CDKN2B: variants seen among roughly 807,000 people sequenced by gnomAD.
CDKN2B encodes the protein cyclin-dependent kinase 4 inhibitor B.
Under a neutral mutation model 7.7 loss-of-function variants are expected in CDKN2B, and 8 were observed. That is an observed-to-expected ratio of 1.04 (90% CI 0.61 to 1.87). The LOEUF (loss-of-function observed/expected upper bound fraction) is 1.87. Among genes scored for constraint, CDKN2B ranks in the 40% most tolerant of loss-of-function variants. The pLI, the probability that CDKN2B is intolerant of heterozygous loss-of-function variation, is 0.00. For synonymous variants in CDKN2B, 93 were observed against 95.8 expected, an observed-to-expected ratio of 0.97 and a Z score of 0.17; for missense variants, 244 against 213.1, an observed-to-expected ratio of 1.15 and a Z score of -0.90.
chr9:22,005,835 G>T lies in CDKN2B; in HGVS notation c.*152C>A. 1.0e-6 allele frequency: 1 copy of T among 973,920 alleles called. No homozygotes were observed. Among genetic ancestry groups the T allele is most frequent in the Non-Finnish European group, 1.5e-6 (1 of 648,462 alleles). 60.3% of individuals were successfully genotyped at this position (973,920 alleles called of 1,614,324 possible). A position where few individuals can be genotyped will look rare whatever the true frequency, so the allele number is the denominator to read the frequency against. The stretch of plus-strand genomic sequence containing the variant: ...AAAAATGTATGGAAGGTTATTCCCG[G>T]TCGGCTCCTCCTTCCTGTGAGTCTC... On this transcript the variant is annotated 3_prime_UTR_variant, in exon 2 of 2. Coordinates refer to ENST00000276925, the MANE Select transcript of CDKN2B (RefSeq NM_004936.4). This position sits in a 1 kb window ranked among gnomAD's most constrained non-coding sequence, Gnocchi z 4.9.
intron 1 of CDKN2B, chr9:22,008,538 T>G (rs2131188637): frequency 2.4e-6 from 2 of 845,148 alleles, no homozygotes; most frequent in Non-Finnish European, 3.5e-6. Context: ...TCTCCCCAAT[T>G]CAGTCTATTC....
In CDKN2B at chr9:22,005,165, G is replaced by C. The variant is rs983888232; in HGVS notation, c.*822C>G. The stretch of plus-strand genomic sequence containing the variant: ...GTGAAAGAAAACGTTACAGTTAACC[G>C]TTACAATTGCTCTCACTCCACTCCA... On this transcript the variant is annotated 3_prime_UTR_variant, in exon 2 of 2. Coordinates refer to ENST00000276925, the MANE Select transcript of CDKN2B (RefSeq NM_004936.4). This position sits in a 1 kb window ranked among gnomAD's most constrained non-coding sequence, Gnocchi z 4.9. 4 of 232,402 alleles carry C rather than the reference G, an allele frequency of 1.7e-5. No individual in the cohort carries two copies. Among genetic ancestry groups the C allele is most frequent in the African/African-American group, 8.9e-5 (4 of 44,996 alleles). 14.4% of individuals were successfully genotyped at this position (232,402 alleles called of 1,614,324 possible). A position where few individuals can be genotyped will look rare whatever the true frequency, so the allele number is the denominator to read the frequency against.
Position 22,008,573 on chromosome 9 carries a change from C to T in CDKN2B, c.156+225G>A, listed in dbSNP as rs555748240. ...CCTTGCATCTCTGATCATGAGATGGCAGAACAAAAACCACTAAAAAAAGCT... is the reference window on the plus strand; with the variant it reads ...CCTTGCATCTCTGATCATGAGATGGTAGAACAAAAACCACTAAAAAAAGCT... On this transcript the variant is annotated intron_variant, in intron 1 of 1. Coordinates refer to ENST00000276925, the MANE Select transcript of CDKN2B (RefSeq NM_004936.4). 8.4e-5 allele frequency: 106 copies of T among 1,259,554 alleles called. 1 individual carries two copies. The East Asian group carries it at 2.7e-3, about 32-fold the overall frequency. The allele number at this position is 1,259,554 out of a possible 1,614,324, so 78.0% of individuals were successfully genotyped here.
Position 22,006,894 on chromosome 9 carries a change from A to G in CDKN2B, c.157-647T>C, listed in dbSNP as rs779783850. On this transcript the variant is annotated intron_variant, in intron 1 of 1. Coordinates refer to ENST00000276925, the MANE Select transcript of CDKN2B (RefSeq NM_004936.4). This position sits in a 1 kb window ranked among gnomAD's most constrained non-coding sequence, Gnocchi z 6.4. ...AGATTAGAAGGGAAAAGTAAATTAA[A>G]TCATGCAAAATCTTATAAAATTATA... is the stretch of plus-strand genomic sequence containing the variant. Among the ~76,000 whole-genome samples, 1 of 152,276 alleles carries G rather than the reference A, an allele frequency of 6.6e-6. No homozygotes were observed. The highest frequency in any genetic ancestry group is 1.9e-4 in the East Asian group (1 of 5,192).
rs192756265 is a variant in CDKN2B, at chr9:22,006,765, T to A, written c.157-518A>T. 4.8e-4 allele frequency among the ~76,000 whole-genome samples: 73 copies of A among 152,192 alleles called. No individual in the cohort carries two copies. Among genetic ancestry groups the A allele is most frequent in the African/African-American group, 8.9e-4 (37 of 41,550 alleles). The stretch of plus-strand genomic sequence containing the variant: ...TAAGTTTTTTTCTTTCTTTTTTTTT[T>A]AATTTATTTAGTTCTCATAGCAAAT... On this transcript the variant is annotated intron_variant, in intron 1 of 1. Transcript: ENST00000276925. This position sits in a 1 kb window ranked among gnomAD's most constrained non-coding sequence, Gnocchi z 6.4.
In CDKN2B at chr9:22,006,200, G is replaced by T. The variant is rs748993568; in HGVS notation, c.204C>A (p.His68Gln). The change falls in exon 2 of 2, where the codon CAC becomes CAA. Residue 68 changes from histidine to glutamine, a missense_variant. Physicochemically the swap from His to Gln is conservative, Grantham distance 24. Coordinates refer to ENST00000276925, the MANE Select transcript of CDKN2B (RefSeq NM_004936.4). The surrounding 1 kb of genome is among the most constrained non-coding windows in gnomAD (Gnocchi z 6.4). ...SARVAELLLLHGAEPNCADPA... is the reference protein window; with the variant it reads ...SARVAELLLLQGAEPNCADPA... ...GGTCTGCGCAGTTGGGCTCCGCGCCGTGGAGCAGCAGCAGCTCCGCCACGC... is the reference window on the plus strand; with the variant it reads ...GGTCTGCGCAGTTGGGCTCCGCGCCTTGGAGCAGCAGCAGCTCCGCCACGC... 1 of 1,608,714 alleles carries T rather than the reference G, an allele frequency of 6.2e-7. No individual in the cohort carries two copies. The highest frequency in any genetic ancestry group is 1.1e-5 in the South Asian group (1 of 91,046).
At position 22,005,112 on chromosome 9, in the gene CDKN2B, A is replaced by ATGTGTGTGTGTGTGTGTG. The variant is rs3028393; in HGVS notation, c.*857_*874dup. ...CATAAGGGGATTTCCGCATCCTAGC[A>ATGTGTGTGTGTGTGTGTG]TGTGTGTGTGTGTGTGTGTGTGTGT... On this transcript the variant is annotated 3_prime_UTR_variant, in exon 2 of 2. Transcript: ENST00000276925. This position sits in a 1 kb window ranked among gnomAD's most constrained non-coding sequence, Gnocchi z 4.9. 6 of 222,400 alleles carry ATGTGTGTGTGTGTGTGTG rather than the reference A, an allele frequency of 2.7e-5. No homozygotes were observed. In the East Asian group the frequency reaches 3.8e-4, roughly 14 times the overall value. 13.8% of individuals were successfully genotyped at this position (222,400 alleles called of 1,614,324 possible). A position where few individuals can be genotyped will look rare whatever the true frequency, so the allele number is the denominator to read the frequency against.
At position 22,006,001 on chromosome 9, in the gene CDKN2B, C is replaced by T. The variant is rs756217982; in HGVS notation, c.403G>A (p.Ala135Thr). 1 of 1,602,908 alleles carries T rather than the reference C, an allele frequency of 6.2e-7. No individual in the cohort carries two copies. The highest frequency in any genetic ancestry group is 8.5e-7 in the Non-Finnish European group (1 of 1,179,764). The change falls in exon 2 of 2, where the codon GCC (alanine) becomes ACC (threonine). Residue 135 changes from alanine (A) to threonine (T), a missense_variant. Physicochemically the swap from Ala to Thr is moderately conservative, Grantham distance 58. Transcript: ENST00000276925. This position sits in a 1 kb window ranked among gnomAD's most constrained non-coding sequence, Gnocchi z 6.4. Reference protein sequence around the residue: ...HRDVAGYLRTATGD With the variant: ...HRDVAGYLRTTTGD Reference sequence around the variant, plus strand: ...GGAACCTGGCGTCAGTCCCCCGTGGCTGTGCGCAGGTACCCTGCAACGTCG... The same window carrying T: ...GGAACCTGGCGTCAGTCCCCCGTGGTTGTGCGCAGGTACCCTGCAACGTCG...
rs2069420 is a variant in CDKN2B, at chr9:22,008,505, A to T, written c.156+293T>A. Among the ~76,000 whole-genome samples, 6,428 of 152,138 alleles carry T rather than the reference A, an allele frequency of 0.042. 373 individuals are homozygous for T. The highest frequency in any genetic ancestry group is 0.13 in the African/African-American group (5,460 of 41,464). ...ACAGACAAGATAATCTTCTTCCCTA[A>T]ATAAGCTTTCCTTTTCTCCTTTTCT... On this transcript the variant is annotated intron_variant, in intron 1 of 1. Coordinates refer to ENST00000276925, the MANE Select transcript of CDKN2B (RefSeq NM_004936.4).
rs1400311769 is a variant in CDKN2B, at chr9:22,009,205, A to G, written c.-252T>C. 1.3e-5 allele frequency: 8 copies of G among 608,964 alleles called. 1 individual carries two copies. The East Asian group carries it at 2.3e-4, about 17-fold the overall frequency. The allele number at this position is 608,964 out of a possible 1,614,324, so 37.7% of individuals were successfully genotyped here. On this transcript the variant is annotated 5_prime_UTR_variant, in exon 1 of 2. Coordinates refer to ENST00000276925, the MANE Select transcript of CDKN2B (RefSeq NM_004936.4). ...GGGCGCGCCTGGATTGCTTCTGGGA[A>G]AAAGCGCCTAGCGCGGACGCAGCCG...
chr9:22,009,253 A>C lies in CDKN2B; in HGVS notation c.-300T>G. 1.8e-6 allele frequency: 1 copy of C among 546,420 alleles called. No homozygotes were observed. The highest frequency in any genetic ancestry group is 3.3e-6 in the Non-Finnish European group (1 of 303,322). The allele number at this position is 546,420 out of a possible 1,614,324, so 33.8% of individuals were successfully genotyped here. On this transcript the variant is annotated 5_prime_UTR_variant, in exon 1 of 2. Transcript: ENST00000276925. The stretch of plus-strand genomic sequence containing the variant: ...CCGAGCTCAAAGCCGCTCTGGCCGC[A>C]GGGTGCGGACGCGTCGCGGAGTCCT...
At chr9:22,008,387 G>T (rs973096407) in intron 1 of CDKN2B, among the ~76,000 whole-genome samples, 2 of 152,054 alleles carry the variant, frequency 1.3e-5, no homozygotes, top group Admixed American at 6.6e-5. Flanking sequence ...AGTTTACATT[G>T]ATTTTTTCCA....
chr9:22,006,380 G>T lies in CDKN2B; in HGVS notation c.157-133C>A. The T allele has an allele frequency of 8.3e-7, 1 of 1,199,012 alleles. No individual in the cohort carries two copies. Among genetic ancestry groups the T allele is most frequent in the Non-Finnish European group, 1.2e-6 (1 of 844,748 alleles). 74.3% of individuals were successfully genotyped at this position (1,199,012 alleles called of 1,614,324 possible). ...TTTCACCCAGTGCAGAGGTGTTCAG[G>T]TCTCTGATGTCTGGTGTTTCTTCAT... On this transcript the variant is annotated intron_variant, in intron 1 of 1. Transcript: ENST00000276925. The surrounding 1 kb of genome is among the most constrained non-coding windows in gnomAD (Gnocchi z 6.4).
chr9:22,003,782 T>C lies in CDKN2B; in HGVS notation c.*2205A>G, dbSNP rs1821037582. ...GGTTATTCTCCATATTGTTGACATTTTAAAATAGTTTTCAAACAAACCGTT... is the reference window on the plus strand; with the variant it reads ...GGTTATTCTCCATATTGTTGACATTCTAAAATAGTTTTCAAACAAACCGTT... On this transcript the variant is annotated 3_prime_UTR_variant, in exon 2 of 2. Coordinates refer to ENST00000276925, the MANE Select transcript of CDKN2B (RefSeq NM_004936.4). 4.3e-6 allele frequency: 1 copy of C among 232,220 alleles called. No homozygotes were observed. Among genetic ancestry groups the C allele is most frequent in the Non-Finnish European group, 8.5e-6 (1 of 117,504 alleles). The allele number at this position is 232,220 out of a possible 1,614,324, so 14.4% of individuals were successfully genotyped here.
chr9:22,008,717 C>CTAGG, intron 1 of CDKN2B, 81 bp downstream of exon 1: 3 of 1,611,710 alleles, frequency 1.9e-6, no homozygotes, highest in Non-Finnish European at 2.5e-6. Flanking sequence ...CATCGGCGAT[C>CTAGG]TAGGTTCCAG....
In CDKN2B at chr9:22,005,866, G is replaced by T; in HGVS notation, c.*121C>A. On this transcript the variant is annotated 3_prime_UTR_variant, in exon 2 of 2. Coordinates refer to ENST00000276925, the MANE Select transcript of CDKN2B (RefSeq NM_004936.4). The surrounding 1 kb of genome is among the most constrained non-coding windows in gnomAD (Gnocchi z 4.9). ...TCCTCCTTCCTGTGAGTCTCAGACA[G>T]GCTTGCAGGCTTACAGGCTTTCCGC... The T allele has an allele frequency of 7.4e-7, 1 of 1,348,256 alleles. No homozygotes were observed. Among genetic ancestry groups the T allele is most frequent in the African/African-American group, 1.4e-5 (1 of 69,962 alleles). 83.5% of individuals were successfully genotyped at this position (1,348,256 alleles called of 1,614,324 possible).
rs945270645 is a variant in CDKN2B at position 22,006,898 on chromosome 9, T to C, written c.157-651A>G. ...TAGAAGGGAAAAGTAAATTAAATCA[T>C]GCAAAATCTTATAAAATTATAATAA... On this transcript the variant is annotated intron_variant, in intron 1 of 1. Transcript: ENST00000276925. The surrounding 1 kb of genome is among the most constrained non-coding windows in gnomAD (Gnocchi z 6.4). Among the ~76,000 whole-genome samples the C allele has an allele frequency of 6.6e-6, 1 of 152,144 alleles. No individual in the cohort carries two copies. Among genetic ancestry groups the C allele is most frequent in the African/African-American group, 2.4e-5 (1 of 41,456 alleles).
In CDKN2B at chr9:22,008,762, CGCCCCCTGCCGGCGAGGCCCTGGG is replaced by C; in HGVS notation, c.156+12_156+35del. The C allele has an allele frequency of 6.2e-7, 1 of 1,609,652 alleles. No homozygotes were observed. Among genetic ancestry groups the C allele is most frequent in the Non-Finnish European group, 8.5e-7 (1 of 1,178,146 alleles). On this transcript the variant is annotated intron_variant, in intron 1 of 1. Transcript: ENST00000276925. ...GCCGAGGCCGCGCCCCGCGTTCGCGCGCCCCCTGCCGGCGAGGCCCTGGGGCCCCAGCTACCTGGATCGCGCGCC... is the reference window on the plus strand; with the variant it reads ...GCCGAGGCCGCGCCCCGCGTTCGCGCGCCCCAGCTACCTGGATCGCGCGCC...
At position 22,003,210 on chromosome 9, in the gene CDKN2B, A is replaced by G. The variant is rs912108150; in HGVS notation, c.*2777T>C. 2 of 217,464 alleles carry G rather than the reference A, an allele frequency of 9.2e-6. No individual in the cohort carries two copies. Among genetic ancestry groups the G allele is most frequent in the South Asian group, 1.9e-4 (1 of 5,398 alleles). The allele number at this position is 217,464 out of a possible 1,614,324, so 13.5% of individuals were successfully genotyped here. A position where few individuals can be genotyped will look rare whatever the true frequency, so the allele number is the denominator to read the frequency against. ...TGGAATTAATTTTTACATGGCATTG[A>G]TAAGTTACTATTTCAATACAACCAG... On this transcript the variant is annotated 3_prime_UTR_variant, in exon 2 of 2. Transcript: ENST00000276925.
Sources: gnomAD v4.1 joint callset for allele counts (sites outside exome capture counted in the v4.1 genomes callset) on GRCh38, gnomAD v4.1.1 for gene constraint, Gnocchi (gnomAD v3.1) non-coding constraint, MANE v1.5 for transcripts, NCBI Gene and HGNC (gene_info 2026-07-23, HGNC 2026-07-21) for gene names.